Variants in PHEX observed in about 807,000 individuals in gnomAD.
The protein encoded by PHEX is phosphate regulating endopeptidase X-linked.
In PHEX, 16 loss-of-function variants were observed where a neutral mutation model predicts 68.0. The observed-to-expected ratio is 0.24, with a 90% CI of 0.16 to 0.36. The LOEUF (loss-of-function observed/expected upper bound fraction) is 0.36. PHEX is among the 10% of genes least tolerant of loss of function. The pLI is 1.00. For synonymous variants in PHEX, 208 were observed against 205.1 expected (o/e 1.01, Z -0.12); for missense variants, 480 against 575.5 (o/e 0.83, Z 1.70).
chrX:22,209,049 A>G (rs1934803914), intron 15 of PHEX, among the ~76,000 whole-genome samples: 1 of 111,824 alleles, frequency 8.9e-6, no homozygotes, highest in Non-Finnish European at 1.9e-5. Flanking sequence ...TTGCTTGTGT[A>G]AGTTGGTATT....
At chrX:22,126,131 AC>A (rs762213104) in intron 11 of PHEX, among the ~76,000 whole-genome samples, 257 of 112,277 alleles carry the variant, frequency 2.3e-3, no homozygotes, top group African/African-American at 8.2e-3. Flanking sequence ...AAATCATAAA[AC>A]TAACAAAATT....
In PHEX at chrX:22,183,822, T is replaced by C. The variant is rs139059120; in HGVS notation, c.1586+5446T>C. Reference sequence around the variant, plus strand: ...CATATTGGCAATACAGTCAGTCTAATTGTTTGATTTCAAAATGTCATTATT... The same window carrying C: ...CATATTGGCAATACAGTCAGTCTAACTGTTTGATTTCAAAATGTCATTATT... On this transcript the variant is annotated intron_variant, in intron 14 of 21. Coordinates refer to ENST00000379374, the MANE Select transcript of PHEX (RefSeq NM_000444.6). 5.4e-5 allele frequency among the ~76,000 whole-genome samples: 6 copies of C among 111,752 alleles called. No individual in the cohort carries two copies. In the Admixed American group the frequency reaches 5.7e-4, roughly 11 times the overall value.
chrX:22,238,473 G>C (rs749018088), intron 20 of PHEX, among the ~76,000 whole-genome samples: 1 of 111,145 alleles, frequency 9.0e-6, no homozygotes, highest in Non-Finnish European at 1.9e-5. Flanking sequence ...TACCGGGCTC[G>C]GTGCATCCCA....
chrX:22,193,141 G>T (rs1934255778), intron 15 of PHEX, among the ~76,000 whole-genome samples: 2 of 110,703 alleles, frequency 1.8e-5, no homozygotes, highest in Non-Finnish European at 1.9e-5. Context: ...GGGAACTTAT[G>T]ATATTTGAGT....
intron 1 of PHEX, among the ~76,000 whole-genome samples, chrX:22,037,720 G>A (rs1927089757): frequency 9.0e-6 from 1 of 110,898 alleles, no homozygotes; most frequent in African/African-American, 3.3e-5. Flanking sequence ...GGGCCTGGTG[G>A]GCGGAGAGTT....
intron 14 of PHEX, among the ~76,000 whole-genome samples, chrX:22,185,831 C>T (rs1602369720): frequency 9.6e-6 from 1 of 104,256 alleles, no homozygotes; most frequent in Middle Eastern, 5.1e-3. Context: ...TCTCGGCTCA[C>T]TGCAACCTCC....
intron 14 of PHEX, among the ~76,000 whole-genome samples, chrX:22,181,808 A>T (rs1019799648): frequency 9.0e-6 from 1 of 111,575 alleles, no homozygotes; most frequent in Non-Finnish European, 1.9e-5. Flanking sequence ...AGTTAAGTTT[A>T]TTCCTAGGTA....
At chrX:22,036,469 A>G (rs1183416035) in intron 1 of PHEX, among the ~76,000 whole-genome samples, 1 of 111,830 alleles carries the variant, frequency 8.9e-6, no homozygotes, top group Non-Finnish European at 1.9e-5. Flanking sequence ...TGAAAGGAAT[A>G]AGTCTTTAAC....
intron 17 of PHEX, among the ~76,000 whole-genome samples, chrX:22,219,339 A>C (rs1935194107): frequency 8.9e-6 from 1 of 112,394 alleles, no homozygotes; most frequent in Admixed American, 9.4e-5. Context: ...TTGTAATTTC[A>C]ATAAAATTAG....
intron 16 of PHEX, among the ~76,000 whole-genome samples, chrX:22,214,779 C>T (rs948167340): frequency 3.6e-5 from 4 of 111,434 alleles, no homozygotes; most frequent in African/African-American, 9.8e-5. Context: ...GCTACGAGGA[C>T]GTGGGCAGCC....
rs1225208308 is a variant in PHEX, at chrX:22,036,060, T to A, written c.119-2409T>A. Among the ~76,000 whole-genome samples, 213 of 65,998 alleles carry A rather than the reference T, an allele frequency of 3.2e-3. 1 individual carries two copies. Among genetic ancestry groups the A allele is most frequent in the East Asian group, 0.014 (27 of 1,951 alleles). 57.3% of individuals were successfully genotyped at this position (65,998 alleles called of 115,157 possible). ...CATATATATATATATATATATTTTT[T>A]TTTTTTTTTTTTTTTTTGAGACGGA... On this transcript the variant is annotated intron_variant, in intron 1 of 21. Transcript: ENST00000379374.
At chrX:22,143,014 C>T (rs1932533672) in intron 12 of PHEX, among the ~76,000 whole-genome samples, 1 of 112,559 alleles carries the variant, frequency 8.9e-6, no homozygotes, top group South Asian at 3.6e-4. Flanking sequence ...AGTCTTTCCT[C>T]TTAGCCAACT....
chrX:22,171,359 C>A (rs1332092326), intron 13 of PHEX, among the ~76,000 whole-genome samples: 1 of 110,941 alleles, frequency 9.0e-6, no homozygotes, highest in African/African-American at 3.3e-5. Flanking sequence ...GATTCAATCA[C>A]CTCCCTCCCT....
rs1309647699 is a variant in PHEX, at chrX:22,144,258, A to G, written c.1404+10634A>G. ...CCTCTAACTGCCTCCCTCACTAAAT[A>G]ACATGCTCCATTATAGTGTCTTAAA... is the stretch of plus-strand genomic sequence containing the variant. On this transcript the variant is annotated intron_variant, in intron 12 of 21. Transcript: ENST00000379374. Among the ~76,000 whole-genome samples, 3 of 111,439 alleles carry G rather than the reference A, an allele frequency of 2.7e-5. No homozygotes were observed. In the East Asian group the frequency reaches 8.4e-4, roughly 31 times the overall value.
rs1602399849 is a variant in PHEX, at chrX:22,216,718, C to T, written c.1701-2318C>T. On this transcript the variant is annotated intron_variant, in intron 16 of 21. Transcript: ENST00000379374. ...ATTTTTTAATAGACATGGGGTTTCTCCATGTTGGTCAGGCTGGTCTCGAAC... is the reference window on the plus strand; with the variant it reads ...ATTTTTTAATAGACATGGGGTTTCTTCATGTTGGTCAGGCTGGTCTCGAAC... Among the ~76,000 whole-genome samples the T allele has an allele frequency of 3.7e-5, 4 of 109,422 alleles. No homozygotes were observed. The South Asian group carries it at 1.6e-3, about 44-fold the overall frequency.
intron 5 of PHEX, among the ~76,000 whole-genome samples, chrX:22,083,494 G>A (rs1349663685): frequency 3.6e-5 from 4 of 112,121 alleles, no homozygotes; most frequent in African/African-American, 6.5e-5. Flanking sequence ...TAATTCATAA[G>A]CATGGAGTAT....
chrX:22,179,744 C>T lies in PHEX; in HGVS notation c.1586+1368C>T, dbSNP rs183543468. On this transcript the variant is annotated intron_variant, in intron 14 of 21. Transcript: ENST00000379374. ...TTGTGATTCTTTGTTAAGTCATTGT[C>T]ATCATATTTTCTATTAATTCTTCAA... is the stretch of plus-strand genomic sequence containing the variant. Among the ~76,000 whole-genome samples, 106 of 111,660 alleles carry T rather than the reference C, an allele frequency of 9.5e-4. 1 individual carries two copies. The highest frequency in any genetic ancestry group is 3.1e-3 in the African/African-American group (95 of 30,825).
chrX:22,085,588 A>G (rs1296595857), intron 5 of PHEX, among the ~76,000 whole-genome samples: 1 of 110,394 alleles, frequency 9.1e-6, no homozygotes, highest in African/African-American at 3.3e-5. Flanking sequence ...AAAAAAAAAA[A>G]AAAGATTCCA....
chrX:22,242,544 A>C (rs1936257141), intron 20 of PHEX, among the ~76,000 whole-genome samples: 1 of 112,019 alleles, frequency 8.9e-6, no homozygotes, highest in South Asian at 3.7e-4. Flanking sequence ...GTCTCAGCCC[A>C]AAATCTCCTT....
Sources: allele counts gnomAD v4.1 joint callset (sites outside exome capture counted in the v4.1 genomes callset), GRCh38; gene constraint gnomAD v4.1.1; transcripts MANE v1.5; gene names NCBI Gene and HGNC (gene_info 2026-07-23, HGNC 2026-07-21).